FERRY3: variants seen among roughly 807,000 people sequenced by gnomAD.
The protein encoded by FERRY3 is protein C12orf4.
At chr12:4,513,767 G>A in the FERRY3 span, among the ~76,000 whole-genome samples, 2,256 of 152,152 alleles carry the variant, frequency 0.015, 56 homozygotes, top group African/African-American at 0.05. Flanking sequence ...AGATTTAAAC[G>A]TTAGACCTAA....
the FERRY3 span, among the ~76,000 whole-genome samples, chr12:4,521,168 G>A: frequency 6.6e-6 from 1 of 152,152 alleles, no homozygotes; most frequent in Non-Finnish European, 1.5e-5. Flanking sequence ...AGACCAGCCT[G>A]GCCAACATGG....
the FERRY3 span, among the ~76,000 whole-genome samples, chr12:4,493,995 A>G: frequency 6.6e-6 from 1 of 152,152 alleles, no homozygotes; most frequent in African/African-American, 2.4e-5. Context: ...TGGGAGGATG[A>G]GGCAGGAGAA....
At chr12:4,489,293 AACAAGC>A in the FERRY3 span, 1 of 152,726 alleles carries the variant, frequency 6.5e-6, no homozygotes, top group South Asian at 2.1e-4. Context: ...AATTTAAAAG[AACAAGC>A]ACATTTGTCT....
At chr12:4,518,757 A>C in the FERRY3 span, 1 of 1,416,008 alleles carries the variant, frequency 7.1e-7, no homozygotes, top group Admixed American at 2.0e-5. Context: ...TAACTGCAAA[A>C]AAATTAACAC....
chr12:4,529,760 T>G, the FERRY3 span: 3 of 963,608 alleles, frequency 3.1e-6, no homozygotes, highest in African/African-American at 5.1e-5. Flanking sequence ...ATATTGAAGT[T>G]TTTTTTTCTA....
At chr12:4,516,754 C>A in the FERRY3 span, among the ~76,000 whole-genome samples, 4 of 152,070 alleles carry the variant, frequency 2.6e-5, no homozygotes, top group Non-Finnish European at 5.9e-5. Flanking sequence ...AGACGATGGG[C>A]TTAATACCTA....
chr12:4,514,471 C>T, the FERRY3 span, among the ~76,000 whole-genome samples: 1 of 152,096 alleles, frequency 6.6e-6, no homozygotes, highest in South Asian at 2.1e-4. Context: ...GCATTATTCA[C>T]AATACGAAGA....
chr12:4,491,382 T>C, the FERRY3 span: 3 of 619,642 alleles, frequency 4.8e-6, no homozygotes, highest in Non-Finnish European at 8.3e-6. Flanking sequence ...TCCTCTAGTT[T>C]TTAGGCATGC....
the FERRY3 span, among the ~76,000 whole-genome samples, chr12:4,528,798 C>T: frequency 6.6e-6 from 1 of 151,774 alleles, no homozygotes; most frequent in Non-Finnish European, 1.5e-5. Flanking sequence ...TTATTCTCAT[C>T]TTGCTAGCCT....
At chr12:4,533,221 T>C in the FERRY3 span, among the ~76,000 whole-genome samples, 15 of 152,342 alleles carry the variant, frequency 9.8e-5, no homozygotes, top group African/African-American at 3.1e-4. Flanking sequence ...TTCCCAGTTA[T>C]GATTAATTCT....
At chr12:4,517,196 G>T in the FERRY3 span, 1 of 1,523,864 alleles carries the variant, frequency 6.6e-7, no homozygotes, top group Non-Finnish European at 8.8e-7. Flanking sequence ...AAATCTAAGG[G>T]ACCCAAAACA....
At chr12:4,498,380 T>C in the FERRY3 span, among the ~76,000 whole-genome samples, 66 of 152,294 alleles carry the variant, frequency 4.3e-4, 2 homozygotes, top group East Asian at 0.011. Flanking sequence ...GATTTAACAA[T>C]AGCTAAAAAT....
At chr12:4,490,442 A>T in the FERRY3 span, 17 of 1,140,544 alleles carry the variant, frequency 1.5e-5, no homozygotes, top group Admixed American at 3.6e-4. Context: ...TTGGGATTTT[A>T]GGGCAGGATG....
chr12:4,490,410 C>T, the FERRY3 span: 3 of 736,960 alleles, frequency 4.1e-6, no homozygotes, highest in African/African-American at 1.9e-5. Context: ...AAACAGAAAG[C>T]GATTAGCCTT....
the FERRY3 span, among the ~76,000 whole-genome samples, chr12:4,523,726 G>A: frequency 2.6e-5 from 4 of 152,062 alleles, no homozygotes; most frequent in African/African-American, 7.2e-5. Flanking sequence ...ACCAAACACC[G>A]CATGTTCTCA....
chr12:4,527,795 A>T, the FERRY3 span, among the ~76,000 whole-genome samples: 1 of 152,174 alleles, frequency 6.6e-6, no homozygotes, highest in African/African-American at 2.4e-5. Context: ...GAATTCAAGT[A>T]TTATTTATAT....
chr12:4,517,706 T>TATATATATAGAGAGAGAGAGAGAGAGAG, the FERRY3 span, among the ~76,000 whole-genome samples: 2 of 137,724 alleles, frequency 1.5e-5, no homozygotes, highest in Admixed American at 1.4e-4. Context: ...TATATATATA[T>TATATATATAGAGAGAGAGAGAGAGAGAG]AGACAGAGAG....
chr12:4,521,143 G>A, the FERRY3 span, among the ~76,000 whole-genome samples: 5 of 152,174 alleles, frequency 3.3e-5, no homozygotes, highest in Non-Finnish European at 2.9e-5. Flanking sequence ...GGCGAATCAC[G>A]AGATCAGGAG....
the FERRY3 span, among the ~76,000 whole-genome samples, chr12:4,507,529 C>A: frequency 6.6e-6 from 1 of 151,970 alleles, no homozygotes; most frequent in Non-Finnish European, 1.5e-5. Context: ...CAGGAATTAT[C>A]TTTAGGAATC....
Sources: allele counts gnomAD v4.1 joint callset (sites outside exome capture counted in the v4.1 genomes callset), GRCh38; gene constraint gnomAD v4.1.1; transcripts MANE v1.5; gene names NCBI Gene and HGNC (gene_info 2026-07-23, HGNC 2026-07-21).